AHRR: variants seen among roughly 807,000 people sequenced by gnomAD.
The protein encoded by AHRR is ahR repressor.
A neutral mutation model predicts 44.0 loss-of-function variants in AHRR; 28 were observed. The observed-to-expected ratio is 0.64, with a 90% confidence interval of 0.47 to 0.87. AHRR has a LOEUF of 0.87. AHRR is among the 40% of genes least tolerant of loss of function. The pLI is 0.00. For synonymous variants in AHRR, 434 were observed against 407.0 expected (o/e 1.07, Z -0.80); for missense variants, 990 against 953.9 (o/e 1.04, Z -0.50).
At chr5:386,063 T>C (rs1265263720) in intron 4 of AHRR, among the ~76,000 whole-genome samples, 2 of 152,280 alleles carry the variant, frequency 1.3e-5, no homozygotes, top group African/African-American at 4.8e-5. Context: ...TTTCATTCTT[T>C]TTTTCAGTGT....
intron 2 of AHRR, among the ~76,000 whole-genome samples, chr5:351,198 T>C (rs1474493163): frequency 1.3e-5 from 2 of 152,150 alleles, no homozygotes; most frequent in Non-Finnish European, 2.9e-5. Flanking sequence ...AGTTTGGTGG[T>C]GCCCCAGAAA....
chr5:414,131 CGT>C (rs1735597434), intron 5 of AHRR, among the ~76,000 whole-genome samples: 1 of 152,016 alleles, frequency 6.6e-6, no homozygotes, highest in Non-Finnish European at 1.5e-5. Flanking sequence ...GGTGTGGTGG[CGT>C]GCACCCGTAG....
In AHRR at chr5:404,218, G is replaced by A. The variant is rs760306197; in HGVS notation, c.352-9126G>A. 5.4e-5 allele frequency: 28 copies of A among 519,160 alleles called. No homozygotes were observed. Among genetic ancestry groups the A allele is most frequent in the South Asian group, 2.3e-4 (15 of 63,850 alleles). 32.2% of individuals were successfully genotyped at this position (519,160 alleles called of 1,614,324 possible). On this transcript the variant is annotated intron_variant, in intron 4 of 10. Transcript: ENST00000684583. This position sits in a 1 kb window ranked among gnomAD's most constrained non-coding sequence, Gnocchi z 4.1. ...AGCCTTTGAACCCGTCGCAGCTCTC[G>A]CTCATCCATGAGTCTAATCACATCT...
In AHRR at chr5:376,638, T is replaced by C. The variant is rs1013474183; in HGVS notation, c.273T>C (p.Pro91=). The C allele has an allele frequency of 2.7e-6, 3 of 1,092,482 alleles. No homozygotes were observed. Among genetic ancestry groups the C allele is most frequent in the Non-Finnish European group, 3.4e-6 (3 of 873,870 alleles). 67.7% of individuals were successfully genotyped at this position (1,092,482 alleles called of 1,614,324 possible). A position where few individuals can be genotyped will look rare whatever the true frequency, so the allele number is the denominator to read the frequency against. The change falls in exon 4 of 11, where the codon CCT becomes CCC. Residue 91 remains proline (P), a synonymous_variant. Transcript: ENST00000684583. ...TGCAGGAGCAGAGCTCACGGCAGCCTGCGGCCGGCGCCCCCTCGCCCGGAG... is the reference window on the plus strand; with the variant it reads ...TGCAGGAGCAGAGCTCACGGCAGCCCGCGGCCGGCGCCCCCTCGCCCGGAG... ...QVVQEQSSRQ[P]AAGAPSPGDS...
At chr5:412,766 G>A (rs886331929) in intron 4 of AHRR, among the ~76,000 whole-genome samples, 2 of 141,166 alleles carry the variant, frequency 1.4e-5, no homozygotes, top group South Asian at 2.2e-4. Flanking sequence ...CATTGCATAG[G>A]CTGGAGGGCA....
In AHRR at chr5:387,726, C is replaced by T. The variant is rs955789763; in HGVS notation, c.351+11010C>T. The stretch of plus-strand genomic sequence containing the variant: ...GACGCTCGTGTTTTCTGAGTGTGAT[C>T]GTGTGTCCATACGCTGTACCTGCCG... On this transcript the variant is annotated intron_variant, in intron 4 of 10. Coordinates refer to ENST00000684583, the MANE Select transcript of AHRR (RefSeq NM_001377236.1). This position sits in a 1 kb window ranked among gnomAD's most constrained non-coding sequence, Gnocchi z 5.1. Among the ~76,000 whole-genome samples the T allele has an allele frequency of 1.3e-5, 2 of 152,202 alleles. No individual in the cohort carries two copies. The highest frequency in any genetic ancestry group is 2.9e-5 in the Non-Finnish European group (2 of 68,030).
rs1287055771 is a variant in AHRR at position 388,162 on chromosome 5, C to G, written c.351+11446C>G. On this transcript the variant is annotated intron_variant, in intron 4 of 10. Coordinates refer to ENST00000684583, the MANE Select transcript of AHRR (RefSeq NM_001377236.1). This position sits in a 1 kb window ranked among gnomAD's most constrained non-coding sequence, Gnocchi z 5.2. ...GGAAGGAAATGAATTTTGGAGGACA[C>G]CACTCAGCCCAGTACCACTGTGCTT... is the stretch of plus-strand genomic sequence containing the variant. 6.6e-6 allele frequency among the ~76,000 whole-genome samples: 1 copy of G among 152,182 alleles called. No individual in the cohort carries two copies. The highest frequency in any genetic ancestry group is 1.9e-4 in the East Asian group (1 of 5,186).
At chr5:422,605 C>A in intron 5 of AHRR, 124 bp from the exon 6 acceptor site, 1 of 1,338,122 alleles carries the variant, frequency 7.5e-7, no homozygotes, top group Non-Finnish European at 1.1e-6. Context: ...CGGTGGGATT[C>A]TCTCCCTGTG....
At position 342,688 on chromosome 5, in the gene AHRR, TG is replaced by T. The variant is rs889833728; in HGVS notation, c.-10-1203del. On this transcript the variant is annotated intron_variant, in intron 1 of 10. Transcript: ENST00000684583. This position sits in a 1 kb window ranked among gnomAD's most constrained non-coding sequence, Gnocchi z 4.3. ...TCCTTAACTTCCTCCCCAAGGCTTC[TG>T]GCCCAGAGCCTGGCACGGGATGGTT... is the stretch of plus-strand genomic sequence containing the variant. Among the ~76,000 whole-genome samples, 1 of 152,224 alleles carries T rather than the reference TG, an allele frequency of 6.6e-6. No homozygotes were observed.
chr5:323,842 C>G (rs770777529), intron 1 of AHRR, among the ~76,000 whole-genome samples: 4 of 152,114 alleles, frequency 2.6e-5, no homozygotes, highest in Non-Finnish European at 5.9e-5. Flanking sequence ...GGAGACTCAA[C>G]GGAGCTCCTT....
At chr5:390,439 G>A (rs1240360840) in intron 4 of AHRR, among the ~76,000 whole-genome samples, 1 of 152,194 alleles carries the variant, frequency 6.6e-6, no homozygotes, top group Non-Finnish European at 1.5e-5. Context: ...AAAATCAGTC[G>A]CTGCAGAAAG....
At position 433,851 on chromosome 5, in the gene AHRR, A is replaced by G; in HGVS notation, c.1113-2A>G. 1 of 1,488,572 alleles carries G rather than the reference A, an allele frequency of 6.7e-7. No individual in the cohort carries two copies. The highest frequency in any genetic ancestry group is 8.9e-7 in the Non-Finnish European group (1 of 1,121,932). 92.2% of individuals were successfully genotyped at this position (1,488,572 alleles called of 1,614,324 possible). A position where few individuals can be genotyped will look rare whatever the true frequency, so the allele number is the denominator to read the frequency against. On this transcript the variant is annotated splice_acceptor_variant, in intron 10 of 10. Coordinates refer to ENST00000684583, the MANE Select transcript of AHRR (RefSeq NM_001377236.1). LOFTEE classifies it high-confidence loss of function. ...CAAATGGGCCCCGTCTTTTCTCTGC[A>G]GGGACAGGGAGGAGGAGCAGCACAG...
chr5:403,947 C>A, intron 4 of AHRR: 1 of 1,455,242 alleles, frequency 6.9e-7, no homozygotes. Flanking sequence ...GAAATATCTC[C>A]TCCACTTTAT....
intron 1 of AHRR, among the ~76,000 whole-genome samples, chr5:323,961 C>A (rs781205017): frequency 6.6e-6 from 1 of 151,300 alleles, no homozygotes; most frequent in African/African-American, 2.5e-5. Flanking sequence ...TTGCCTAGCT[C>A]GCTCTTCCTT....
rs115487368 is a variant in AHRR, at chr5:387,050, G to C, written c.351+10334G>C. Reference sequence around the variant, plus strand: ...GCCTTGTTTCCATATCCGTTTGATTGTCAAAGCCTCTGCTGCACGGGGTGG... The same window carrying C: ...GCCTTGTTTCCATATCCGTTTGATTCTCAAAGCCTCTGCTGCACGGGGTGG... On this transcript the variant is annotated intron_variant, in intron 4 of 10. Coordinates refer to ENST00000684583, the MANE Select transcript of AHRR (RefSeq NM_001377236.1). The surrounding 1 kb of genome is among the most constrained non-coding windows in gnomAD (Gnocchi z 5.1). 8.9e-3 allele frequency among the ~76,000 whole-genome samples: 1,357 copies of C among 152,348 alleles called. 8 individuals are homozygous for C. The highest frequency in any genetic ancestry group is 0.014 in the Non-Finnish European group (986 of 68,038).
rs1339357451 is a variant in AHRR at position 370,506 on chromosome 5, T to C, written c.245-6104T>C. ...AGTGAAATCAGGTTCAAGGGAAATT[T>C]TCACCAAGGTCATCCGCCACCCCCA... On this transcript the variant is annotated intron_variant, in intron 3 of 10. Coordinates refer to ENST00000684583, the MANE Select transcript of AHRR (RefSeq NM_001377236.1). The surrounding 1 kb of genome is among the most constrained non-coding windows in gnomAD (Gnocchi z 4.5). Among the ~76,000 whole-genome samples the C allele has an allele frequency of 1.3e-5, 2 of 152,082 alleles. No individual in the cohort carries two copies. The highest frequency in any genetic ancestry group is 2.9e-5 in the Non-Finnish European group (2 of 68,020).
rs1056518775 is a variant in AHRR at position 342,591 on chromosome 5, T to C, written c.-10-1302T>C. Among the ~76,000 whole-genome samples the C allele has an allele frequency of 2.0e-5, 3 of 152,242 alleles. No individual in the cohort carries two copies. The highest frequency in any genetic ancestry group is 2.9e-5 in the Non-Finnish European group (2 of 68,032). ...CATTTCTGACATTTTTATGGCACTT[T>C]CCACACAAGGTGGATATTGCGTGAG... On this transcript the variant is annotated intron_variant, in intron 1 of 10. Transcript: ENST00000684583. The surrounding 1 kb of genome is among the most constrained non-coding windows in gnomAD (Gnocchi z 4.3).
At chr5:367,168 C>G (rs762770766) in intron 3 of AHRR, among the ~76,000 whole-genome samples, 1 of 152,202 alleles carries the variant, frequency 6.6e-6, no homozygotes, top group Admixed American at 6.5e-5. Flanking sequence ...TAAAGTGAGT[C>G]CCTGGGGGGT....
At chr5:396,407 C>T (rs562626061) in intron 4 of AHRR, among the ~76,000 whole-genome samples, 5 of 152,232 alleles carry the variant, frequency 3.3e-5, no homozygotes, top group African/African-American at 9.6e-5. Context: ...GGTACTGAGG[C>T]GGGCGGCCCC....
Sources: allele counts gnomAD v4.1 joint callset (sites outside exome capture counted in the v4.1 genomes callset), GRCh38; gene constraint gnomAD v4.1.1; non-coding constraint Gnocchi (gnomAD v3.1); transcripts MANE v1.5; gene names NCBI Gene and HGNC (gene_info 2026-07-23, HGNC 2026-07-21).